The following CSMD1 variants were observed in gnomAD, a reference collection of about 807,000 sequenced individuals.
CSMD1 encodes the protein CUB and Sushi multiple domains 1.
Under a neutral mutation model 417.5 loss-of-function variants are expected in CSMD1, and 213 were observed. That is an observed-to-expected ratio of 0.51 (90% CI 0.46 to 0.57). The LOEUF is 0.57. CSMD1 is among the 20% of genes least tolerant of loss of function. The probability of loss-of-function intolerance (pLI) is 0.00; values close to 1 mark genes in which losing one functional copy is unlikely to be tolerated. For synonymous variants in CSMD1, 2,862 were observed against 1,736.8 expected (o/e 1.65, Z -16.11); for missense variants, 6,923 against 4,529.7 (o/e 1.53, Z -15.17).
At chr8:3,763,486 C>T (rs1214551626) in intron 5 of CSMD1, among the ~76,000 whole-genome samples, 1 of 152,102 alleles carries the variant, frequency 6.6e-6, no homozygotes, top group East Asian at 1.9e-4. Flanking sequence ...CCTTCTCACC[C>T]TGTGATATAC....
At chr8:4,003,063 G>T (rs537572002) in intron 4 of CSMD1, among the ~76,000 whole-genome samples, 3 of 152,130 alleles carry the variant, frequency 2.0e-5, no homozygotes, top group African/African-American at 4.8e-5. Flanking sequence ...ACACAGCAGG[G>T]GGATATTATT....
At chr8:3,028,243 CCTT>C (rs1434166542) in intron 51 of CSMD1, among the ~76,000 whole-genome samples, 12 of 152,306 alleles carry the variant, frequency 7.9e-5, no homozygotes, top group African/African-American at 2.9e-4. Context: ...GTTCCTGACT[CCTT>C]CTCCTAATCT....
At chr8:4,080,493 TTC>T (rs1800073619) in intron 3 of CSMD1, among the ~76,000 whole-genome samples, 1 of 152,212 alleles carries the variant, frequency 6.6e-6, no homozygotes, top group Admixed American at 6.5e-5. Context: ...GGTTCCAAAT[TTC>T]TTACTTGCAA....
At chr8:4,294,112 G>A (rs1193549928) in intron 3 of CSMD1, among the ~76,000 whole-genome samples, 1 of 152,144 alleles carries the variant, frequency 6.6e-6, no homozygotes, top group Non-Finnish European at 1.5e-5. Flanking sequence ...ACTGGAAAAA[G>A]TAATGTGGCA....
chr8:4,927,990 C>A (rs1806985028), intron 1 of CSMD1, among the ~76,000 whole-genome samples: 1 of 152,174 alleles, frequency 6.6e-6, no homozygotes. Flanking sequence ...GTGTAAAGCT[C>A]CCGAGTCACA....
intron 3 of CSMD1, among the ~76,000 whole-genome samples, chr8:4,150,634 T>C (rs148082010): frequency 6.6e-6 from 1 of 152,316 alleles, no homozygotes; most frequent in African/African-American, 2.4e-5. Context: ...GCAATTCCAA[T>C]ATTCTTCCAG....
intron 2 of CSMD1, among the ~76,000 whole-genome samples, chr8:4,438,974 C>T (rs1056591703): frequency 2.0e-5 from 3 of 152,178 alleles, no homozygotes; most frequent in African/African-American, 4.8e-5. Context: ...ATGAGCGCTT[C>T]ATCAGTCCTA....
At chr8:3,282,334 C>T (rs553649693) in intron 26 of CSMD1, among the ~76,000 whole-genome samples, 1 of 151,978 alleles carries the variant, frequency 6.6e-6, no homozygotes, top group African/African-American at 2.4e-5. Flanking sequence ...TCTGTGCCTT[C>T]TACTCAATCT....
chr8:3,620,723 G>T (rs529456461), intron 7 of CSMD1, among the ~76,000 whole-genome samples: 1 of 152,244 alleles, frequency 6.6e-6, no homozygotes, highest in East Asian at 1.9e-4. Flanking sequence ...ACTAAACATA[G>T]AGGATAACAG....
At chr8:4,682,340 C>CT (rs372325057) in intron 1 of CSMD1, among the ~76,000 whole-genome samples, 290 of 152,138 alleles carry the variant, frequency 1.9e-3, no homozygotes, top group African/African-American at 6.6e-3. Context: ...CTGAAAAATG[C>CT]TTTTTTTGAT....
At chr8:3,412,768 A>G (rs1310351188) in intron 12 of CSMD1, among the ~76,000 whole-genome samples, 1 of 152,210 alleles carries the variant, frequency 6.6e-6, no homozygotes, top group East Asian at 1.9e-4. Context: ...TAGTTCTTGG[A>G]GTTTAGGTTG....
chr8:4,053,600 G>A (rs1229779369), intron 3 of CSMD1, among the ~76,000 whole-genome samples: 1 of 151,936 alleles, frequency 6.6e-6, no homozygotes, highest in Non-Finnish European at 1.5e-5. Flanking sequence ...AGCAACCTCT[G>A]ATCTCCTTTC....
At chr8:4,344,702 A>C (rs983445383) in intron 3 of CSMD1, among the ~76,000 whole-genome samples, 1 of 152,086 alleles carries the variant, frequency 6.6e-6, no homozygotes, top group Non-Finnish European at 1.5e-5. Context: ...TCCTAAAAAT[A>C]AAAAGGCATA....
chr8:3,804,061 C>A (rs541088811), intron 5 of CSMD1, among the ~76,000 whole-genome samples: 6 of 151,898 alleles, frequency 4.0e-5, no homozygotes, highest in African/African-American at 1.5e-4. Flanking sequence ...TGAGTAGCTG[C>A]GATTACAGAC....
intron 1 of CSMD1, among the ~76,000 whole-genome samples, chr8:4,839,193 T>G (rs1020572532): frequency 2.0e-5 from 3 of 152,170 alleles, no homozygotes; most frequent in Non-Finnish European, 2.9e-5. Context: ...AGAAGGAAGC[T>G]CTGTCATGAG....
At chr8:2,954,203 G>C in intron 65 of CSMD1, 21 bp downstream of exon 65, 5 of 1,405,528 alleles carry the variant, frequency 3.6e-6, no homozygotes, top group Non-Finnish European at 4.9e-6. Flanking sequence ...TTGAAATCTA[G>C]AACTGTTCTG....
At chr8:4,766,314 T>C (rs1221974811) in intron 1 of CSMD1, among the ~76,000 whole-genome samples, 1 of 152,182 alleles carries the variant, frequency 6.6e-6, no homozygotes, top group African/African-American at 2.4e-5. Context: ...GTGAGCCAAC[T>C]ATGTATGCAT....
At chr8:4,064,605 G>A (rs1313883789) in intron 3 of CSMD1, among the ~76,000 whole-genome samples, 1 of 152,178 alleles carries the variant, frequency 6.6e-6, no homozygotes, top group African/African-American at 2.4e-5. Context: ...TTCCGAACGT[G>A]GCAAGGCTCC....
intron 2 of CSMD1, among the ~76,000 whole-genome samples, chr8:4,482,040 T>C (rs1294506037): frequency 1.3e-5 from 2 of 152,190 alleles, no homozygotes; most frequent in African/African-American, 2.4e-5. Context: ...CACCCTTCCA[T>C]GGCCACCTTT....
Sources: allele counts gnomAD v4.1 joint callset (sites outside exome capture counted in the v4.1 genomes callset), GRCh38; gene constraint gnomAD v4.1.1; transcripts MANE v1.5; gene names NCBI Gene and HGNC (gene_info 2026-07-23, HGNC 2026-07-21).